The following LRRTM4 variants were observed in gnomAD, a reference collection of about 807,000 sequenced individuals.
LRRTM4 encodes the protein leucine rich repeat transmembrane neuronal 4.
LRRTM4 carries 25 observed loss-of-function variants against 47.6 expected under a neutral mutation model. The ratio of observed to expected loss-of-function variants is 0.53; its 90% CI spans 0.38 to 0.73. The LOEUF (loss-of-function observed/expected upper bound fraction) is 0.73. Among genes scored for constraint, LRRTM4 ranks in the 30% least tolerant of loss-of-function variants. The pLI is 0.00. For synonymous variants in LRRTM4, 311 were observed against 269.5 expected, an observed-to-expected ratio of 1.15 and a Z score of -1.51; for missense variants, 638 against 713.4, an observed-to-expected ratio of 0.89 and a Z score of 1.20.
At chr2:77,039,827 T>C (rs1274508361) in intron 3 of LRRTM4, among the ~76,000 whole-genome samples, 1 of 151,092 alleles carries the variant, frequency 6.6e-6, no homozygotes, top group African/African-American at 2.4e-5. Context: ...AGGACAACAT[T>C]GCACTCACAA....
intron 3 of LRRTM4, among the ~76,000 whole-genome samples, chr2:76,842,113 C>A (rs572238990): frequency 1.3e-5 from 2 of 152,196 alleles, no homozygotes; most frequent in East Asian, 1.9e-4. Flanking sequence ...TGGCCCTTCC[C>A]ATTATGGGTG....
At chr2:77,177,717 G>A (rs13417062) in intron 3 of LRRTM4, among the ~76,000 whole-genome samples, 1,578 of 152,260 alleles carry the variant, frequency 0.01, 21 homozygotes, top group African/African-American at 0.036. Context: ...CAGGCTCCAG[G>A]TGACATTATG....
chr2:76,758,419 A>G (rs1673140283), intron 3 of LRRTM4, among the ~76,000 whole-genome samples: 1 of 152,190 alleles, frequency 6.6e-6, no homozygotes, highest in Non-Finnish European at 1.5e-5. Flanking sequence ...TGCAGAGGAC[A>G]TACACATGCT....
In LRRTM4 at chr2:76,957,389, T is replaced by C. The variant is rs986530028; in HGVS notation, c.1552-208473A>G. ...TTACTGTACACGTATGTTAAAAAGGTGAATGTCATATTATATGGTTTTTCC... is the reference window on the plus strand; with the variant it reads ...TTACTGTACACGTATGTTAAAAAGGCGAATGTCATATTATATGGTTTTTCC... On this transcript the variant is annotated intron_variant, in intron 3 of 3. Transcript: ENST00000409884. Among the ~76,000 whole-genome samples the C allele has an allele frequency of 2.6e-5, 4 of 151,808 alleles. No individual in the cohort carries two copies. In the East Asian group the frequency reaches 7.8e-4, roughly 30 times the overall value.
At chr2:77,361,547 T>C (rs1672211655) in intron 3 of LRRTM4, among the ~76,000 whole-genome samples, 1 of 152,208 alleles carries the variant, frequency 6.6e-6, no homozygotes, top group South Asian at 2.1e-4. Flanking sequence ...CTCTGCTAAC[T>C]GTGGTCCCAC....
intron 3 of LRRTM4, among the ~76,000 whole-genome samples, chr2:76,974,055 T>C (rs1400507709): frequency 2.0e-5 from 3 of 151,120 alleles, no homozygotes; most frequent in African/African-American, 4.9e-5. Context: ...TCCAGTTGCT[T>C]AGAGAAAGGT....
intron 3 of LRRTM4, among the ~76,000 whole-genome samples, chr2:76,855,936 C>T (rs1413346060): frequency 1.3e-5 from 2 of 152,086 alleles, no homozygotes; most frequent in Non-Finnish European, 2.9e-5. Flanking sequence ...AAACAATTTA[C>T]AGAAAAATTA....
chr2:77,181,219 T>C (rs566224803), intron 3 of LRRTM4, among the ~76,000 whole-genome samples: 2 of 152,200 alleles, frequency 1.3e-5, no homozygotes, highest in East Asian at 1.9e-4. Flanking sequence ...AAATACCACA[T>C]GGATATAACA....
intron 3 of LRRTM4, among the ~76,000 whole-genome samples, chr2:76,898,884 G>C (rs1673518282): frequency 6.6e-6 from 1 of 151,486 alleles, no homozygotes; most frequent in African/African-American, 2.4e-5. Context: ...ATACGTTGTA[G>C]ACCATTTGTT....
rs1438652628 is a variant in LRRTM4 at position 77,521,790 on chromosome 2, C to T, written c.-119G>A. 4 of 1,077,994 alleles carry T rather than the reference C, an allele frequency of 3.7e-6. No individual in the cohort carries two copies. Among genetic ancestry groups the T allele is most frequent in the African/African-American group, 3.2e-5 (2 of 63,354 alleles). 66.8% of individuals were successfully genotyped at this position (1,077,994 alleles called of 1,614,324 possible). On this transcript the variant is annotated 5_prime_UTR_variant, in exon 2 of 4. Transcript: ENST00000409884. ...GGCTGTCATTCACACCATTCTGATC[C>T]CGCATGTGAGCTAGTAGCCCCATAC...
intron 3 of LRRTM4, among the ~76,000 whole-genome samples, chr2:76,778,846 T>C (rs10460511): frequency 0.63 from 94,525 of 149,094 alleles, 30,174 homozygotes; most frequent in African/African-American, 0.7. Flanking sequence ...CTTTTAATTG[T>C]GATGTTAGGG....
chr2:77,226,125 A>G (rs1217696040), intron 3 of LRRTM4, among the ~76,000 whole-genome samples: 1 of 151,832 alleles, frequency 6.6e-6, no homozygotes, highest in Admixed American at 6.6e-5. Context: ...TGTGTTATGT[A>G]TAATTTAGAA....
intron 3 of LRRTM4, among the ~76,000 whole-genome samples, chr2:76,796,033 T>C (rs113436970): frequency 0.16 from 16,776 of 107,906 alleles, 3,191 homozygotes; most frequent in East Asian, 0.43. Context: ...GTTCCCTTTC[T>C]GAGTCAAAGA....
At chr2:76,757,007 A>G (rs1223689811) in intron 3 of LRRTM4, among the ~76,000 whole-genome samples, 2 of 152,140 alleles carry the variant, frequency 1.3e-5, no homozygotes, top group African/African-American at 4.8e-5. Flanking sequence ...AATCTAATTT[A>G]TGGAATAATT....
intron 3 of LRRTM4, among the ~76,000 whole-genome samples, chr2:77,125,843 G>A (rs1015311404): frequency 1.3e-5 from 2 of 151,364 alleles, no homozygotes; most frequent in Non-Finnish European, 2.9e-5. Flanking sequence ...TAATAAGTAA[G>A]GGATTGCATA....
At chr2:76,883,886 T>G (rs1255909960) in intron 3 of LRRTM4, among the ~76,000 whole-genome samples, 8 of 152,136 alleles carry the variant, frequency 5.3e-5, no homozygotes, top group Non-Finnish European at 1.2e-4. Context: ...CTGATTTAAA[T>G]TAGCTCACTG....
At chr2:77,447,922 T>G (rs962104997) in intron 3 of LRRTM4, among the ~76,000 whole-genome samples, 4 of 152,188 alleles carry the variant, frequency 2.6e-5, no homozygotes, top group Non-Finnish European at 5.9e-5. Context: ...ACGTGGGGAT[T>G]TTAGCATTTT....
intron 3 of LRRTM4, among the ~76,000 whole-genome samples, chr2:76,923,646 T>G (rs1469325241): frequency 2.0e-5 from 3 of 152,126 alleles, no homozygotes; most frequent in African/African-American, 7.2e-5. Context: ...AAGCACTTCC[T>G]GTGCATTTTC....
At position 76,830,872 on chromosome 2, in the gene LRRTM4, T is replaced by C. The variant is rs567824306; in HGVS notation, c.1552-81956A>G. Among the ~76,000 whole-genome samples, 14 of 152,176 alleles carry C rather than the reference T, an allele frequency of 9.2e-5. No homozygotes were observed. The East Asian group carries it at 2.7e-3, about 29-fold the overall frequency. ...TTTGTCTTTCAGATCCAAAAATAGC[T>C]GTTATTATTTATCTCTGACCTAATA... On this transcript the variant is annotated intron_variant, in intron 3 of 3. Coordinates refer to ENST00000409884, the MANE Select transcript of LRRTM4 (RefSeq NM_001134745.3).
Sources: gnomAD v4.1 joint callset for allele counts (sites outside exome capture counted in the v4.1 genomes callset) on GRCh38, gnomAD v4.1.1 for gene constraint, MANE v1.5 for transcripts, NCBI Gene and HGNC (gene_info 2026-07-23, HGNC 2026-07-21) for gene names.